CNIH3: variants seen among roughly 807,000 people sequenced by gnomAD.
The protein encoded by CNIH3 is cornichon family AMPA receptor auxiliary protein 3.
Under a neutral mutation model 24.1 loss-of-function variants are expected in CNIH3, and 14 were observed. That is an observed-to-expected ratio of 0.58 (90% CI 0.38 to 0.91). CNIH3 has a LOEUF of 0.91. Ranked by LOEUF, CNIH3 falls within the 40% of genes least tolerant of loss-of-function variation. CNIH3 has a pLI of 0.00. For synonymous variants in CNIH3, 68 were observed against 73.8 expected, an observed-to-expected ratio of 0.92 and a Z score of 0.40; for missense variants, 178 against 196.8, an observed-to-expected ratio of 0.90 and a Z score of 0.57.
chr1:224,711,114 C>G (rs553549618), intron 3 of CNIH3, among the ~76,000 whole-genome samples: 2 of 152,200 alleles, frequency 1.3e-5, no homozygotes, highest in Admixed American at 6.5e-5. Flanking sequence ...TGTTTTAACG[C>G]ACATATAAAT....
At chr1:224,715,488 G>A (rs540238169) in intron 3 of CNIH3, among the ~76,000 whole-genome samples, 1 of 152,256 alleles carries the variant, frequency 6.6e-6, no homozygotes, top group South Asian at 2.1e-4. Flanking sequence ...AACTGCCTTG[G>A]ATGTTCTACA....
intron 1 of CNIH3, among the ~76,000 whole-genome samples, chr1:224,478,594 T>C (rs1027585258): frequency 5.3e-5 from 8 of 152,246 alleles, no homozygotes; most frequent in African/African-American, 1.9e-4. Context: ...TAAACAGATA[T>C]TTTGAATTCC....
chr1:224,652,983 A>G (rs1308520651), intron 1 of CNIH3, among the ~76,000 whole-genome samples: 2 of 152,194 alleles, frequency 1.3e-5, no homozygotes, highest in East Asian at 1.9e-4. Flanking sequence ...GAGGAAGGCC[A>G]CCGGAAGGCC....
intron 3 of CNIH3, among the ~76,000 whole-genome samples, chr1:224,603,689 A>T (rs542591045): frequency 6.6e-5 from 10 of 152,292 alleles, no homozygotes; most frequent in African/African-American, 2.4e-4. Flanking sequence ...ATTTTTGTTA[A>T]AATAATAAAA....
At chr1:224,552,233 T>G (rs892266190) in intron 3 of CNIH3, among the ~76,000 whole-genome samples, 2 of 151,592 alleles carry the variant, frequency 1.3e-5, no homozygotes, top group Non-Finnish European at 3.0e-5. Flanking sequence ...ACACCCACTC[T>G]GATATTAAGA....
chr1:224,565,344 A>G (rs979581305), intron 3 of CNIH3: 2 of 152,256 alleles, frequency 1.3e-5, no homozygotes, highest in Non-Finnish European at 2.9e-5. Flanking sequence ...GACTGCAAGA[A>G]CACAAGGCAC....
intron 5 of CNIH3, among the ~76,000 whole-genome samples, chr1:224,737,497 T>A (rs1689655667): frequency 6.7e-6 from 1 of 149,928 alleles, no homozygotes; most frequent in African/African-American, 2.4e-5. Flanking sequence ...TGGGGCTGCT[T>A]AAAAGACTCT....
intron 4 of CNIH3, 32 bp downstream of exon 4, chr1:224,730,606 T>A (rs942572617): frequency 1.5e-6 from 2 of 1,375,780 alleles, no homozygotes; most frequent in Non-Finnish European, 2.0e-6. Flanking sequence ...ATATCCTTCG[T>A]CTTTTCTGCC....
At chr1:224,734,307 C>T (rs1462079627) in intron 4 of CNIH3, among the ~76,000 whole-genome samples, 1 of 152,206 alleles carries the variant, frequency 6.6e-6, no homozygotes, top group Non-Finnish European at 1.5e-5. Context: ...TGACACATTT[C>T]CCCTTCTGTT....
intron 1 of CNIH3, among the ~76,000 whole-genome samples, chr1:224,493,911 TG>T (rs1677333047): frequency 6.6e-6 from 1 of 152,176 alleles, no homozygotes; most frequent in East Asian, 1.9e-4. Flanking sequence ...TGCTTATCAC[TG>T]CCACAGAACC....
chr1:224,598,499 A>C (rs77785545), intron 3 of CNIH3, among the ~76,000 whole-genome samples: 3,969 of 152,318 alleles, frequency 0.026, 178 homozygotes, highest in African/African-American at 0.09. Flanking sequence ...CCCAATTTTA[A>C]AAGAAGTTCT....
At chr1:224,516,949 C>T (rs1678414444) in intron 1 of CNIH3, among the ~76,000 whole-genome samples, 1 of 152,128 alleles carries the variant, frequency 6.6e-6, no homozygotes, top group Non-Finnish European at 1.5e-5. Context: ...TTCCCCAGCT[C>T]TGCTTCTGTT....
chr1:224,574,190 G>T (rs1394560924), intron 4 of CNIH3, among the ~76,000 whole-genome samples: 1 of 152,028 alleles, frequency 6.6e-6, no homozygotes, highest in Non-Finnish European at 1.5e-5. Flanking sequence ...AATCAGGTGG[G>T]TCCCTATGGC....
chr1:224,589,622 A>C (rs968765734), downstream of CNIH3, among the ~76,000 whole-genome samples: 4 of 152,282 alleles, frequency 2.6e-5, no homozygotes, highest in Admixed American at 1.3e-4. Context: ...TCAACTTTTG[A>C]TGAGAAGAAA....
downstream of CNIH3, among the ~76,000 whole-genome samples, chr1:224,541,380 A>G (rs191716675): frequency 1.6e-4 from 25 of 152,310 alleles, no homozygotes; most frequent in African/African-American, 5.5e-4. Flanking sequence ...GGCTTATCAT[A>G]CATGATTAGG....
At chr1:224,485,081 C>T (rs572570613) in intron 1 of CNIH3, among the ~76,000 whole-genome samples, 2 of 152,238 alleles carry the variant, frequency 1.3e-5, no homozygotes, top group South Asian at 4.1e-4. Flanking sequence ...TACATTCCTA[C>T]TAATATTTTT....
At chr1:224,435,048 C>G (rs1461204590) in intron 1 of CNIH3, 1 of 985,482 alleles carries the variant, frequency 1.0e-6, no homozygotes, top group African/African-American at 1.7e-5. Context: ...GCTGGCTCGA[C>G]GAGCAGTAAG....
At chr1:224,449,990 C>T (rs1675324266) in intron 1 of CNIH3, among the ~76,000 whole-genome samples, 1 of 151,774 alleles carries the variant, frequency 6.6e-6, no homozygotes, top group African/African-American at 2.4e-5. Context: ...TATACACATA[C>T]ACACATTATA....
At chr1:224,692,462 A>C (rs984773323) in intron 3 of CNIH3, among the ~76,000 whole-genome samples, 10 of 152,170 alleles carry the variant, frequency 6.6e-5, no homozygotes, top group Admixed American at 4.6e-4. Flanking sequence ...ATTGAGGGAC[A>C]TGATACGTGA....
Sources: gnomAD v4.1 joint callset for allele counts (sites outside exome capture counted in the v4.1 genomes callset) on GRCh38, gnomAD v4.1.1 for gene constraint, MANE v1.5 for transcripts, NCBI Gene and HGNC (gene_info 2026-07-23, HGNC 2026-07-21) for gene names.